The following SPMAP2L variants were observed in gnomAD, a reference collection of about 807,000 sequenced individuals.
The protein encoded by SPMAP2L is sperm microtubule associated protein 2 like.
the SPMAP2L span, among the ~76,000 whole-genome samples, chr4:56,605,498 G>A: frequency 6.6e-6 from 1 of 152,150 alleles, no homozygotes; most frequent in Admixed American, 6.5e-5. Flanking sequence ...TCTAATGAAG[G>A]AACAACTGGG....
At chr4:56,594,660 T>A in the SPMAP2L span, 1 of 1,316,076 alleles carries the variant, frequency 7.6e-7, no homozygotes, top group Non-Finnish European at 1.1e-6. Flanking sequence ...ATTCAGCCTG[T>A]GGAGGTGGAT....
chr4:56,603,897 T>G, the SPMAP2L span, among the ~76,000 whole-genome samples: 7 of 152,344 alleles, frequency 4.6e-5, no homozygotes, highest in African/African-American at 1.7e-4. Context: ...ATGTCACCAA[T>G]CTCTGTTCCT....
the SPMAP2L span, among the ~76,000 whole-genome samples, chr4:56,592,132 G>A: frequency 1.3e-5 from 2 of 152,146 alleles, no homozygotes; most frequent in African/African-American, 4.8e-5. Context: ...TCATAGGAGC[G>A]TGAACCCTAT....
chr4:56,589,365 G>T, the SPMAP2L span, among the ~76,000 whole-genome samples: 1 of 152,162 alleles, frequency 6.6e-6, no homozygotes, highest in Non-Finnish European at 1.5e-5. Flanking sequence ...ATCAGGTAGT[G>T]TGAGGCCTCC....
At chr4:56,600,482 C>T in the SPMAP2L span, among the ~76,000 whole-genome samples, 1 of 151,686 alleles carries the variant, frequency 6.6e-6, no homozygotes, top group Non-Finnish European at 1.5e-5. Flanking sequence ...TTAGTACAGA[C>T]GGGGTTTCAC....
At chr4:56,616,654 C>T in the SPMAP2L span, among the ~76,000 whole-genome samples, 1 of 152,278 alleles carries the variant, frequency 6.6e-6, no homozygotes, top group African/African-American at 2.4e-5. Flanking sequence ...AGATGGCAGT[C>T]AGAGAAATAG....
the SPMAP2L span, chr4:56,603,161 T>A: frequency 1.5e-6 from 2 of 1,342,354 alleles, no homozygotes; most frequent in Non-Finnish European, 2.0e-6. Flanking sequence ...ATTAGCTACC[T>A]TCTCTGTTCA....
chr4:56,580,120 A>G, the SPMAP2L span, among the ~76,000 whole-genome samples: 12 of 152,208 alleles, frequency 7.9e-5, no homozygotes, highest in Admixed American at 1.3e-4. Context: ...TTACCAGATA[A>G]GAAAACTGCA....
chr4:56,570,041 A>G, the SPMAP2L span, among the ~76,000 whole-genome samples: 2 of 152,236 alleles, frequency 1.3e-5, no homozygotes, highest in African/African-American at 4.8e-5. Context: ...TTCCTTAAAC[A>G]TACCAAGATA....
the SPMAP2L span, chr4:56,594,261 T>C: frequency 5.1e-6 from 8 of 1,581,426 alleles, no homozygotes; most frequent in Non-Finnish European, 7.0e-6. Flanking sequence ...ACAAATATTG[T>C]CCGGTATATG....
chr4:56,558,955 A>G, the SPMAP2L span, among the ~76,000 whole-genome samples: 1 of 151,218 alleles, frequency 6.6e-6, no homozygotes, highest in South Asian at 2.1e-4. Flanking sequence ...TTTTTTTGAG[A>G]TGGGGTCTCA....
the SPMAP2L span, among the ~76,000 whole-genome samples, chr4:56,621,067 C>T: frequency 6.6e-6 from 1 of 151,950 alleles, no homozygotes; most frequent in Non-Finnish European, 1.5e-5. Flanking sequence ...GTTGCTAAAA[C>T]TGGACGGAAA....
chr4:56,568,614 C>T, the SPMAP2L span, among the ~76,000 whole-genome samples: 1 of 152,144 alleles, frequency 6.6e-6, no homozygotes, highest in Non-Finnish European at 1.5e-5. Flanking sequence ...ATCGCCTGCA[C>T]TCAGGAGTTA....
At chr4:56,593,893 T>C in the SPMAP2L span, 2 of 1,609,882 alleles carry the variant, frequency 1.2e-6, no homozygotes, top group South Asian at 2.2e-5. Flanking sequence ...GGAGAGTACA[T>C]AATGCCACTT....
At chr4:56,576,034 A>C in the SPMAP2L span, among the ~76,000 whole-genome samples, 2 of 152,282 alleles carry the variant, frequency 1.3e-5, no homozygotes, top group African/African-American at 2.4e-5. Context: ...TAGGTGGTAC[A>C]TTTTCCATGG....
At chr4:56,568,479 A>T in the SPMAP2L span, among the ~76,000 whole-genome samples, 14 of 152,076 alleles carry the variant, frequency 9.2e-5, no homozygotes, top group East Asian at 2.5e-3. Context: ...GTTTTCTTTT[A>T]AAAAAATAGC....
the SPMAP2L span, among the ~76,000 whole-genome samples, chr4:56,624,874 CA>C: frequency 1.2e-4 from 18 of 152,304 alleles, no homozygotes; most frequent in African/African-American, 4.1e-4. Flanking sequence ...AGAGCCCCCA[CA>C]CAGAGTCCCT....
chr4:56,531,085 G>A, the SPMAP2L span: 4 of 1,535,342 alleles, frequency 2.6e-6, no homozygotes, highest in Non-Finnish European at 3.5e-6. Context: ...CAAGGAAACC[G>A]AGTTGCTTCC....
chr4:56,557,078 G>A, the SPMAP2L span, among the ~76,000 whole-genome samples: 30 of 150,034 alleles, frequency 2.0e-4, no homozygotes, highest in African/African-American at 6.1e-4. Flanking sequence ...GTGAAACCCC[G>A]TCTCTAATAA....
Sources: allele counts gnomAD v4.1 joint callset (sites outside exome capture counted in the v4.1 genomes callset), GRCh38; gene constraint gnomAD v4.1.1; transcripts MANE v1.5; gene names NCBI Gene and HGNC (gene_info 2026-07-23, HGNC 2026-07-21).